KIF18A: variants seen among roughly 807,000 people sequenced by gnomAD.
The protein encoded by KIF18A is kinesin-like protein KIF18A.
A neutral mutation model predicts 103.3 loss-of-function variants in KIF18A; 67 were observed. That is an observed-to-expected ratio of 0.65 (90% confidence interval 0.53 to 0.79). The LOEUF is 0.79. Among genes scored for constraint, KIF18A ranks in the 30% least tolerant of loss-of-function variants. The pLI, the probability that KIF18A is intolerant of heterozygous loss-of-function variation, is 0.00. For synonymous variants in KIF18A, 367 were observed against 355.5 expected, an observed-to-expected ratio of 1.03 and a Z score of -0.36; for missense variants, 1,032 against 1,062.5, an observed-to-expected ratio of 0.97 and a Z score of 0.40.
rs367680266 is a variant in KIF18A at position 28,097,989 on chromosome 11, C to T, written c.-42G>A. 3.5e-3 allele frequency: 4,787 copies of T among 1,361,538 alleles called. 11 individuals are homozygous for T. The highest frequency in any genetic ancestry group is 4.1e-3 in the Non-Finnish European group (4,168 of 1,004,504). The allele number at this position is 1,361,538 out of a possible 1,614,324, so 84.3% of individuals were successfully genotyped here. A position where few individuals can be genotyped will look rare whatever the true frequency, so the allele number is the denominator to read the frequency against. On this transcript the variant is annotated 5_prime_UTR_variant, in exon 2 of 17. Transcript: ENST00000263181. ...TCCTATCTGTATAAATACTTGAATA[C>T]TTCTCTGAAATTAAAAAAGAAAATA...
intron 13 of KIF18A, among the ~76,000 whole-genome samples, chr11:28,040,020 T>C (rs1289211921): frequency 6.6e-6 from 1 of 151,610 alleles, no homozygotes. Flanking sequence ...AAAAACAAAA[T>C]TTAAAGGTTT....
chr11:28,028,066 AT>A (rs762902036), intron 15 of KIF18A, among the ~76,000 whole-genome samples: 11 of 152,080 alleles, frequency 7.2e-5, no homozygotes, highest in Non-Finnish European at 1.3e-4. Context: ...AATGTGATAC[AT>A]TGTATCAATA....
At chr11:28,098,432 A>G (rs1393748919) in intron 1 of KIF18A, among the ~76,000 whole-genome samples, 3 of 152,204 alleles carry the variant, frequency 2.0e-5, no homozygotes, top group Non-Finnish European at 4.4e-5. Context: ...ATATCAAGGT[A>G]TGATTGGAGA....
chr11:28,086,836 CA>C (rs1303978570), intron 6 of KIF18A, among the ~76,000 whole-genome samples: 5 of 151,984 alleles, frequency 3.3e-5, no homozygotes, highest in African/African-American at 1.2e-4. Context: ...GTTCATATGG[CA>C]AAAATCTTAT....
In KIF18A at chr11:28,097,771, A is replaced by G. The variant is rs774047829; in HGVS notation, c.177T>C (p.Thr59=). The change falls in exon 2 of 17, where the codon ACT becomes ACC. Residue 59 remains threonine, a synonymous_variant. Transcript: ENST00000263181. ...GTTTCTTTATAACATTTTGATTTGTAGTTTTCTTTCCATGGAAAAAACTGA... is the reference window on the plus strand; with the variant it reads ...GTTTCTTTATAACATTTTGATTTGTGGTTTTCTTTCCATGGAAAAAACTGA... ...EEVSFFHGKK[T]TNQNVIKKQN... The G allele has an allele frequency of 2.5e-6, 4 of 1,612,556 alleles. No homozygotes were observed. Among genetic ancestry groups the G allele is most frequent in the Non-Finnish European group, 3.4e-6 (4 of 1,178,916 alleles).
chr11:28,041,876 A>G (rs1590670326), intron 13 of KIF18A, among the ~76,000 whole-genome samples: 1 of 151,968 alleles, frequency 6.6e-6, no homozygotes, highest in East Asian at 1.9e-4. Flanking sequence ...ATTAAGAGAA[A>G]TTGACAATGC....
At position 28,104,852 on chromosome 11, in the gene KIF18A, T is replaced by C. The variant is rs1273029288; in HGVS notation, c.-47+3212A>G. 2.6e-5 allele frequency among the ~76,000 whole-genome samples: 4 copies of C among 152,150 alleles called. No homozygotes were observed. The East Asian group carries it at 7.7e-4, about 29-fold the overall frequency. ...TTACCATTTGTATTTTTAAAAGATA[T>C]ATATGTATATGCATGGTCATTCCCA... On this transcript the variant is annotated intron_variant, in intron 1 of 16. Coordinates refer to ENST00000263181, the MANE Select transcript of KIF18A (RefSeq NM_031217.4).
At chr11:28,028,988 G>C (rs1262574272) in intron 15 of KIF18A, among the ~76,000 whole-genome samples, 1 of 152,160 alleles carries the variant, frequency 6.6e-6, no homozygotes, top group African/African-American at 2.4e-5. Context: ...GGACGAAGTT[G>C]AATCTCTGAA....
chr11:28,043,043 TG>T (rs768153205), intron 13 of KIF18A, among the ~76,000 whole-genome samples: 1 of 151,756 alleles, frequency 6.6e-6, no homozygotes. Flanking sequence ...CCAGGGATGA[TG>T]GGGTAAGGTG....
At chr11:28,088,894 G>GA (rs2133558145) in intron 5 of KIF18A, among the ~76,000 whole-genome samples, 173 bp from the exon 6 acceptor site, 1 of 152,158 alleles carries the variant, frequency 6.6e-6, no homozygotes, top group East Asian at 1.9e-4. Flanking sequence ...CTATAGCTGA[G>GA]AAAAATATAA....
intron 11 of KIF18A, among the ~76,000 whole-genome samples, chr11:28,069,029 C>A (rs1377057895): frequency 1.3e-5 from 2 of 152,162 alleles, no homozygotes; most frequent in Non-Finnish European, 1.5e-5. Flanking sequence ...AAATTACCTA[C>A]ATAATGAATC....
chr11:28,062,613 C>A lies in KIF18A; in HGVS notation c.1591-97G>T, dbSNP rs975769985. 1.0e-5 allele frequency: 9 copies of A among 874,766 alleles called. No homozygotes were observed. The Admixed American group carries it at 2.5e-4, about 24-fold the overall frequency. 54.2% of individuals were successfully genotyped at this position (874,766 alleles called of 1,614,324 possible). Reference sequence around the variant, plus strand: ...TATATTGTTGCCAATAGTTTTAATTCTTTTTAGATATTAAATAATATGTTT... The same window carrying A: ...TATATTGTTGCCAATAGTTTTAATTATTTTTAGATATTAAATAATATGTTT... On this transcript the variant is annotated intron_variant, in intron 11 of 16. Transcript: ENST00000263181.
chr11:28,074,758 G>C (rs968809571), intron 10 of KIF18A, among the ~76,000 whole-genome samples: 5 of 152,086 alleles, frequency 3.3e-5, no homozygotes, highest in African/African-American at 7.2e-5. Context: ...TTCTGTGAAA[G>C]TAGGAAAAGA....
chr11:28,039,608 T>C (rs557631514), intron 13 of KIF18A, among the ~76,000 whole-genome samples: 1 of 151,838 alleles, frequency 6.6e-6, no homozygotes, highest in South Asian at 2.1e-4. Flanking sequence ...AGTCTTCTGG[T>C]AGAACACTGA....
chr11:28,035,326 A>G, intron 15 of KIF18A, 61 bp downstream of exon 15: 1 of 796,998 alleles, frequency 1.3e-6, no homozygotes, highest in East Asian at 2.8e-5. Flanking sequence ...GCAATAGCAT[A>G]TAATATATAA....
chr11:28,096,271 A>T (rs190786783), intron 2 of KIF18A, among the ~76,000 whole-genome samples: 1 of 151,934 alleles, frequency 6.6e-6, no homozygotes, highest in Non-Finnish European at 1.5e-5. Context: ...AGTTAAGGCA[A>T]TAACTTCTCA....
At chr11:28,065,071 A>C (rs1850901740) in intron 11 of KIF18A, among the ~76,000 whole-genome samples, 1 of 152,028 alleles carries the variant, frequency 6.6e-6, no homozygotes, top group African/African-American at 2.4e-5. Context: ...GCAGTCCAAT[A>C]ATGGGGCATA....
intron 13 of KIF18A, among the ~76,000 whole-genome samples, chr11:28,039,475 TAG>T (rs1315100189): frequency 6.6e-6 from 1 of 151,734 alleles, no homozygotes; most frequent in Non-Finnish European, 1.5e-5. Flanking sequence ...ACAAGAATTA[TAG>T]AGTCATTATT....
intron 13 of KIF18A, among the ~76,000 whole-genome samples, chr11:28,058,094 ACTT>A (rs1287881938): frequency 1.3e-5 from 2 of 152,150 alleles, no homozygotes; most frequent in East Asian, 3.9e-4. Context: ...GTGGCAGTCT[ACTT>A]CTTTTCTTCT....
Sources: gnomAD v4.1 joint callset for allele counts (sites outside exome capture counted in the v4.1 genomes callset) on GRCh38, gnomAD v4.1.1 for gene constraint, MANE v1.5 for transcripts, NCBI Gene and HGNC (gene_info 2026-07-23, HGNC 2026-07-21) for gene names.